The following SMG1 variants were observed in gnomAD, a reference collection of about 807,000 sequenced individuals.
SMG1 encodes the protein serine/threonine-protein kinase SMG1.
In SMG1, 22 loss-of-function variants were observed where a neutral mutation model predicts 419.9. The ratio of observed to expected loss-of-function variants is 0.05; its 90% confidence interval spans 0.04 to 0.07. The LOEUF (loss-of-function observed/expected upper bound fraction) is 0.07, where lower values mean the gene tolerates loss of function less well. SMG1 is among the 10% of genes least tolerant of loss of function. SMG1 has a pLI of 1.00. For missense variants in SMG1, 3,185 were observed against 4,342.0 expected (o/e 0.73, Z 7.49); for synonymous variants, 1,538 against 1,553.5 (o/e 0.99, Z 0.23).
rs866130548 is a variant in SMG1, at chr16:18,820,623, C to A, written c.9742-969G>T. 3.3e-5 allele frequency among the ~76,000 whole-genome samples: 5 copies of A among 152,242 alleles called. No individual in the cohort carries two copies. In the South Asian group the frequency reaches 6.2e-4, roughly 19 times the overall value. ...GTGGACGCATTCACATTTTCTCTCC[C>A]CAACTCCCTCTACTTTCCTGCATGT... is the stretch of plus-strand genomic sequence containing the variant. On this transcript the variant is annotated intron_variant, in intron 55 of 62. Coordinates refer to ENST00000446231, the MANE Select transcript of SMG1 (RefSeq NM_015092.5).
At chr16:18,898,035 C>T (rs1235038986) in intron 1 of SMG1, among the ~76,000 whole-genome samples, 1 of 152,196 alleles carries the variant, frequency 6.6e-6, no homozygotes, top group Non-Finnish European at 1.5e-5. Flanking sequence ...TGCTTTGCCC[C>T]TCCCTCTATG....
rs2141876098 is a variant in SMG1, at chr16:18,900,164, G to T, written c.93-3208C>A. 3 of 554,788 alleles carry T rather than the reference G, an allele frequency of 5.4e-6. No homozygotes were observed. The East Asian group carries it at 8.6e-5, about 16-fold the overall frequency. The allele number at this position is 554,788 out of a possible 1,614,324, so 34.4% of individuals were successfully genotyped here. On this transcript the variant is annotated intron_variant, in intron 1 of 62. Coordinates refer to ENST00000446231, the MANE Select transcript of SMG1 (RefSeq NM_015092.5). ...TTAGTTGAACTATGGTCCCATTAGG[G>T]TTCATACATTAAAGCAAAAATTGAG...
At chr16:18,833,701 T>C (rs2033363602) in intron 50 of SMG1, among the ~76,000 whole-genome samples, 1 of 152,204 alleles carries the variant, frequency 6.6e-6, no homozygotes, top group South Asian at 2.1e-4. Flanking sequence ...GCATACCGAC[T>C]ACCCTACAAA....
intron 3 of SMG1, among the ~76,000 whole-genome samples, chr16:18,894,420 G>A (rs2037023866): frequency 1.3e-5 from 2 of 152,196 alleles, no homozygotes; most frequent in South Asian, 4.1e-4. Flanking sequence ...TTACAATTCT[G>A]TCACTAGCAA....
chr16:18,903,936 T>C (rs1057437842), intron 1 of SMG1, among the ~76,000 whole-genome samples: 1 of 124,190 alleles, frequency 8.1e-6, no homozygotes, highest in African/African-American at 3.2e-5. Flanking sequence ...TGTCTTGTCT[T>C]TTTTTTTTTT....
chr16:18,819,030 G>A (rs1350509570), intron 56 of SMG1, among the ~76,000 whole-genome samples: 3 of 151,970 alleles, frequency 2.0e-5, no homozygotes, highest in Non-Finnish European at 2.9e-5. Flanking sequence ...TATTGGTCAC[G>A]CTGGTCTTGA....
chr16:18,841,217 T>G (rs1360854314), intron 41 of SMG1, among the ~76,000 whole-genome samples: 1 of 151,978 alleles, frequency 6.6e-6, no homozygotes, highest in African/African-American at 2.4e-5. Flanking sequence ...CTGAGCAACA[T>G]GGCAAAATCC....
chr16:18,832,581 TGC>T (rs2033267108), intron 51 of SMG1, among the ~76,000 whole-genome samples: 1 of 81,534 alleles, frequency 1.2e-5, no homozygotes, highest in Non-Finnish European at 2.5e-5. Context: ...ACTATACACT[TGC>T]ACACACACAC....
rs28446517 is a variant in SMG1, at chr16:18,882,447, T to C, written c.1120-109A>G. The C allele has an allele frequency of 0.062, 36,509 of 593,490 alleles. 1,296 individuals carry two copies. Among genetic ancestry groups the C allele is most frequent in the African/African-American group, 0.092 (4,849 of 52,804 alleles). The allele number at this position is 593,490 out of a possible 1,614,324, so 36.8% of individuals were successfully genotyped here. A position where few individuals can be genotyped will look rare whatever the true frequency, so the allele number is the denominator to read the frequency against. On this transcript the variant is annotated intron_variant, in intron 9 of 62. Transcript: ENST00000446231. ...TTCATTTTAGAATAGATTTTTAGGC[T>C]TTTAGAAAGAGAACTGTGGCCCATG...
chr16:18,906,308 C>A (rs374054015), intron 1 of SMG1, among the ~76,000 whole-genome samples: 1 of 151,878 alleles, frequency 6.6e-6, no homozygotes, highest in Non-Finnish European at 1.5e-5. Context: ...AATGGTGAAA[C>A]CTCATCTCTA....
At chr16:18,892,384 T>C (rs535417244) in intron 3 of SMG1, 30 bp from the exon 4 acceptor site, 133 of 1,523,786 alleles carry the variant, frequency 8.7e-5, no homozygotes, top group Middle Eastern at 4.7e-4. Context: ...TTGTTGTCCA[T>C]TGAGTATAAA....
rs150921905 is a variant in SMG1, at chr16:18,828,112, G to C, written c.9660C>G (p.Pro3220=). ...NRPQAMSVTP[P]PRSAILTSMK... is the part of the protein sequence containing the mutation. ...TGCTGGTTAGGATAGCAGACCGTGGGGGAGGTGTGACTGACATGGCTTGTG... is the reference window on the plus strand; with the variant it reads ...TGCTGGTTAGGATAGCAGACCGTGGCGGAGGTGTGACTGACATGGCTTGTG... Residue 3220 remains proline, a synonymous_variant, in exon 55 of 63, where the codon CCC becomes CCG. Coordinates refer to ENST00000446231, the MANE Select transcript of SMG1 (RefSeq NM_015092.5). The C allele has an allele frequency of 3.9e-4, 627 of 1,613,710 alleles. No homozygotes were observed. The African/African-American group carries it at 7.4e-3, about 19-fold the overall frequency.
At chr16:18,873,521 A>C (rs2035939290) in intron 13 of SMG1, among the ~76,000 whole-genome samples, 1 of 152,202 alleles carries the variant, frequency 6.6e-6, no homozygotes, top group Admixed American at 6.5e-5. Context: ...CAGCCCAACG[A>C]GAACTTTCTT....
chr16:18,844,324 G>C (rs2034105028), intron 39 of SMG1, among the ~76,000 whole-genome samples: 1 of 151,858 alleles, frequency 6.6e-6, no homozygotes, highest in Non-Finnish European at 1.5e-5. Flanking sequence ...AGCTACACGG[G>C]AGGCTGAGGC....
At position 18,829,323 on chromosome 16, in the gene SMG1, C is replaced by A. The variant is rs1333853051; in HGVS notation, c.9566G>T (p.Ser3189Ile). 1 of 1,613,864 alleles carries A rather than the reference C, an allele frequency of 6.2e-7. No homozygotes were observed. The highest frequency in any genetic ancestry group is 8.5e-7 in the Non-Finnish European group (1 of 1,179,814). The change falls in exon 54 of 63, where the codon AGC (serine) becomes ATC (isoleucine). Residue 3189 changes from serine to isoleucine, a missense_variant. Ser to Ile is a moderately radical substitution (Grantham distance 142). This residue lies in a region of SMG1 where 737 missense variants were observed against 846.6 expected (regional missense o/e 0.87). Transcript: ENST00000446231. ...LETSISSCKT[S>I]LQRVQLHIAM... ...AATATGCAGCTGAACCCGCTGCAGG[C>A]TTGTCTTACAAGAAGAAATACTGGT...
At chr16:18,848,509 T>C (rs2141361984) in intron 36 of SMG1, among the ~76,000 whole-genome samples, 1 of 152,128 alleles carries the variant, frequency 6.6e-6, no homozygotes, top group South Asian at 2.1e-4. Flanking sequence ...TTTCACCATG[T>C]TGTCCAGGCT....
At chr16:18,882,049 T>C (rs1596587877) in intron 10 of SMG1, 116 bp downstream of exon 10, 1 of 666,130 alleles carries the variant, frequency 1.5e-6, no homozygotes. Flanking sequence ...TATACATACA[T>C]ACATACATGC....
chr16:18,919,653 TATATACACACACACAC>T (rs2038112979), intron 1 of SMG1, among the ~76,000 whole-genome samples: 1 of 77,008 alleles, frequency 1.3e-5, no homozygotes, highest in African/African-American at 6.1e-5. Flanking sequence ...TGTGTGTGTA[TATATACACACACACAC>T]ACACACACAC....
Position 18,890,858 on chromosome 16 carries a change from C to G in SMG1, c.608+5G>C, listed in dbSNP as rs373105147. The G allele has an allele frequency of 6.5e-7, 1 of 1,541,368 alleles. No individual in the cohort carries two copies. The highest frequency in any genetic ancestry group is 1.4e-5 in the African/African-American group (1 of 73,236). On this transcript the variant is annotated splice_donor_5th_base_variant and intron_variant, in intron 5 of 62. Transcript: ENST00000446231. ...ATTTAAACTGAACCATTATTAGTTA[C>G]TTACCTTTCATTAAGCACGTCATGT... is the stretch of plus-strand genomic sequence containing the variant.
Sources: allele counts gnomAD v4.1 joint callset (sites outside exome capture counted in the v4.1 genomes callset), GRCh38; gene constraint gnomAD v4.1.1; regional missense constraint gnomAD v4.1.1; transcripts MANE v1.5; gene names NCBI Gene and HGNC (gene_info 2026-07-23, HGNC 2026-07-21).